The following RFWD3 variants were observed in gnomAD, a reference collection of about 807,000 sequenced individuals.
The protein encoded by RFWD3 is E3 ubiquitin-protein ligase RFWD3.
Under a neutral mutation model 87.7 loss-of-function variants are expected in RFWD3, and 65 were observed. The observed-to-expected ratio is 0.74, with a 90% CI of 0.61 to 0.91. The LOEUF (loss-of-function observed/expected upper bound fraction) is 0.91. RFWD3 is among the 40% of genes least tolerant of loss of function. The pLI, the probability that RFWD3 is intolerant of heterozygous loss-of-function variation, is 0.00. For missense variants in RFWD3, 1,078 were observed against 938.5 expected, an observed-to-expected ratio of 1.15 and a Z score of -1.94; for synonymous variants, 433 against 352.8, an observed-to-expected ratio of 1.23 and a Z score of -2.55.
At chr16:74,662,848 G>A (rs1018842103) in intron 1 of RFWD3, among the ~76,000 whole-genome samples, 1 of 152,156 alleles carries the variant, frequency 6.6e-6, no homozygotes, top group Non-Finnish European at 1.5e-5. Context: ...GGCAAGAGTG[G>A]TAGCAGTGGA....
chr16:74,664,241 G>A (rs1961696654), intron 1 of RFWD3: 1 of 152,096 alleles, frequency 6.6e-6, no homozygotes, highest in South Asian at 2.1e-4. Flanking sequence ...GTGAGCTACT[G>A]CAGCTGCCTA....
chr16:74,622,237 G>A lies in RFWD3; in HGVS notation c.*1691C>T, dbSNP rs1026756490. 1 of 152,110 alleles carries A rather than the reference G, an allele frequency of 6.6e-6. No homozygotes were observed. Among genetic ancestry groups the A allele is most frequent in the Non-Finnish European group, 1.5e-5 (1 of 68,026 alleles). 9.4% of individuals were successfully genotyped at this position (152,110 alleles called of 1,614,324 possible). A position where few individuals can be genotyped will look rare whatever the true frequency, so the allele number is the denominator to read the frequency against. ...ATTCTGCCACTGAAACTAGGCCTGG[G>A]CAACCACTCTTAATCATTAACATAT... On this transcript the variant is annotated 3_prime_UTR_variant, in exon 13 of 13. Coordinates refer to ENST00000361070, the MANE Select transcript of RFWD3 (RefSeq NM_018124.4).
intron 12 of RFWD3, among the ~76,000 whole-genome samples, chr16:74,625,057 G>A (rs911772109): frequency 3.3e-5 from 5 of 152,008 alleles, no homozygotes; most frequent in Admixed American, 6.6e-5. Flanking sequence ...AGAGCTAGCC[G>A]GGCATGGTGG....
intron 4 of RFWD3, among the ~76,000 whole-genome samples, chr16:74,646,203 T>A (rs1320875798): frequency 6.6e-6 from 1 of 151,936 alleles, no homozygotes; most frequent in East Asian, 1.9e-4. Context: ...AGCAAGACCT[T>A]GTCCCTGTTA....
In RFWD3 at chr16:74,636,580, A is replaced by G. The variant is rs781492975; in HGVS notation, c.1195-3T>C. Reference sequence around the variant, plus strand: ...TGTGACGTAAGTTTTTGCAAGTCCTAAAATGAAAAAGATTTTATAAATACA... The same window carrying G: ...TGTGACGTAAGTTTTTGCAAGTCCTGAAATGAAAAAGATTTTATAAATACA... On this transcript the variant is annotated splice_polypyrimidine_tract_variant and splice_region_variant and intron_variant, in intron 7 of 12. Coordinates refer to ENST00000361070, the MANE Select transcript of RFWD3 (RefSeq NM_018124.4). 2 of 1,599,478 alleles carry G rather than the reference A, an allele frequency of 1.3e-6. No individual in the cohort carries two copies. Among genetic ancestry groups the G allele is most frequent in the Admixed American group, 3.4e-5 (2 of 59,480 alleles).
At chr16:74,637,423 T>C (rs546609407) in intron 7 of RFWD3, among the ~76,000 whole-genome samples, 380 of 152,244 alleles carry the variant, frequency 2.5e-3, no homozygotes, top group African/African-American at 8.6e-3. Context: ...AGTCAGGTGT[T>C]CAAGACTAGC....
chr16:74,630,264 A>AT lies in RFWD3; in HGVS notation c.1754+516dup, dbSNP rs551869359. Among the ~76,000 whole-genome samples, 287 of 152,216 alleles carry AT rather than the reference A, an allele frequency of 1.9e-3. 4 individuals are homozygous for AT. The highest frequency in any genetic ancestry group is 3.7e-3 in the East Asian group (19 of 5,172). On this transcript the variant is annotated intron_variant, in intron 10 of 12. Transcript: ENST00000361070. ...GCGTGTGCCACCACGCATGGCTAAC[A>AT]TTTTTTTGTATTTTCAGTAGAGACG... is the stretch of plus-strand genomic sequence containing the variant.
At position 74,626,363 on chromosome 16, in the gene RFWD3, C is replaced by T; in HGVS notation, c.2161G>A (p.Glu721Lys). The T allele has an allele frequency of 1.9e-6, 3 of 1,614,158 alleles. No individual in the cohort carries two copies. The highest frequency in any genetic ancestry group is 2.5e-6 in the Non-Finnish European group (3 of 1,179,970). The change falls in exon 12 of 13, where the codon GAA (glutamate) becomes AAA (lysine). Residue 721 changes from glutamate to lysine, a missense_variant. Transcript: ENST00000361070. ...CTCACCAGGGCAGAATTTGCTGCTT[C>T]ATCCCCAGTACACACCAGGATGTTG... is the stretch of plus-strand genomic sequence containing the variant. ...DGNILVCTGDEAANSALLWDA... is the reference protein window; with the variant it reads ...DGNILVCTGDKAANSALLWDA...
intron 11 of RFWD3, among the ~76,000 whole-genome samples, chr16:74,627,938 G>T (rs924376185): frequency 2.6e-4 from 39 of 152,212 alleles, no homozygotes; most frequent in Admixed American, 2.6e-3. Context: ...GCTTAGCCTA[G>T]AAAGAACCTG....
intron 6 of RFWD3, among the ~76,000 whole-genome samples, chr16:74,638,286 G>A (rs564594113): frequency 1.3e-5 from 2 of 152,180 alleles, no homozygotes; most frequent in South Asian, 4.1e-4. Context: ...AAAGGCCAAG[G>A]TTACTGGATT....
intron 1 of RFWD3, among the ~76,000 whole-genome samples, chr16:74,662,744 T>A (rs779179246): frequency 1.1e-4 from 17 of 152,116 alleles, no homozygotes; most frequent in Non-Finnish European, 2.2e-4. Context: ...GTTTCTTCTA[T>A]GTTAGGAATG....
At chr16:74,656,326 AAAAAAG>A (rs1347503842) in intron 2 of RFWD3, among the ~76,000 whole-genome samples, 1 of 151,310 alleles carries the variant, frequency 6.6e-6, no homozygotes, top group Non-Finnish European at 1.5e-5. Flanking sequence ...AAAAAAAAAA[AAAAAAG>A]AAAAGAAAAG....
intron 11 of RFWD3, among the ~76,000 whole-genome samples, chr16:74,627,582 C>G (rs1322100537): frequency 6.6e-6 from 1 of 152,202 alleles, no homozygotes; most frequent in Non-Finnish European, 1.5e-5. Flanking sequence ...ACACCTGAAC[C>G]TAACTTGTTT....
Position 74,661,324 on chromosome 16 carries a change from A to G in RFWD3, c.126T>C (p.Asp42=). The G allele has an allele frequency of 6.2e-7, 1 of 1,614,024 alleles. No homozygotes were observed. The highest frequency in any genetic ancestry group is 8.5e-7 in the Non-Finnish European group (1 of 1,180,004). ...GPALLQPVPA[D]VVSSQGVPSI... Reference sequence around the variant, plus strand: ...ATGGTACCCCCTGGCTGCTGACCACATCAGCAGGAACAGGCTGGAGGAGGG... The same window carrying G: ...ATGGTACCCCCTGGCTGCTGACCACGTCAGCAGGAACAGGCTGGAGGAGGG... The change falls in exon 2 of 13, where the codon GAT becomes GAC. Residue 42 remains aspartate, a synonymous_variant. Coordinates refer to ENST00000361070, the MANE Select transcript of RFWD3 (RefSeq NM_018124.4).
intron 8 of RFWD3, among the ~76,000 whole-genome samples, chr16:74,633,708 G>C (rs1364206744): frequency 1.3e-5 from 2 of 152,092 alleles, no homozygotes. Flanking sequence ...CCAGCACTTT[G>C]GGAGGCTGAG....
intron 2 of RFWD3, among the ~76,000 whole-genome samples, chr16:74,656,661 T>C (rs368052815): frequency 8.6e-4 from 131 of 152,246 alleles, no homozygotes; most frequent in African/African-American, 3.0e-3. Flanking sequence ...TTTCAACATG[T>C]TGGCCAGGTT....
At chr16:74,665,798 G>A (rs1205056809) in intron 1 of RFWD3, among the ~76,000 whole-genome samples, 1 of 151,568 alleles carries the variant, frequency 6.6e-6, no homozygotes, top group Non-Finnish European at 1.5e-5. Context: ...CCAGGCTGGA[G>A]TGCAATGGCG....
intron 8 of RFWD3, among the ~76,000 whole-genome samples, chr16:74,633,614 A>C (rs1489805594): frequency 6.6e-6 from 1 of 152,168 alleles, no homozygotes; most frequent in African/African-American, 2.4e-5. Context: ...AGGGAGGGGC[A>C]GGTGAGATTA....
At chr16:74,656,589 C>T (rs1317203135) in intron 2 of RFWD3, among the ~76,000 whole-genome samples, 1 of 151,918 alleles carries the variant, frequency 6.6e-6, no homozygotes, top group African/African-American at 2.4e-5. Context: ...TCCTAAGTAG[C>T]TGGGACTACA....
Sources: allele counts gnomAD v4.1 joint callset (sites outside exome capture counted in the v4.1 genomes callset), GRCh38; gene constraint gnomAD v4.1.1; transcripts MANE v1.5; gene names NCBI Gene and HGNC (gene_info 2026-07-23, HGNC 2026-07-21).